Variants in MICU1 observed in about 807,000 individuals in gnomAD.
MICU1 encodes the protein mitochondrial calcium uptake 1, also known as calcium uptake protein 1, mitochondrial.
MICU1 carries 45 observed loss-of-function variants against 56.8 expected under a neutral mutation model. That is an observed-to-expected ratio of 0.79 (90% confidence interval 0.62 to 1.02). MICU1 has a LOEUF of 1.02. Among genes scored for constraint, MICU1 ranks in the 50% least tolerant of loss-of-function variants. The pLI is 0.00. For synonymous variants in MICU1, 186 were observed against 195.1 expected (o/e 0.95, Z 0.39); for missense variants, 504 against 587.1 (o/e 0.86, Z 1.46).
At chr10:72,585,152 A>G (rs1841013472) in intron 1 of MICU1, among the ~76,000 whole-genome samples, 2 of 150,778 alleles carry the variant, frequency 1.3e-5, no homozygotes. Flanking sequence ...CAGTGGTGCA[A>G]TCTTCACTCA....
intron 4 of MICU1, among the ~76,000 whole-genome samples, chr10:72,538,425 G>A (rs1373791439): frequency 6.6e-6 from 1 of 152,104 alleles, no homozygotes; most frequent in Non-Finnish European, 1.5e-5. Flanking sequence ...CTTGTCATTA[G>A]TGAAATGCAA....
At chr10:72,556,200 G>C (rs1338406374) in intron 3 of MICU1, among the ~76,000 whole-genome samples, 1 of 152,044 alleles carries the variant, frequency 6.6e-6, no homozygotes, top group Non-Finnish European at 1.5e-5. Context: ...GTCAATTTTT[G>C]GCCATCCATA....
Position 72,423,275 on chromosome 10 carries a change from C to A in MICU1, c.1030G>T (p.Ala344Ser). ...TGCTTCTTGAGCTGCCTCTGCATGG[C>A]GGTCAGCTTCTTGGACTGCACCCCA... is the stretch of plus-strand genomic sequence containing the variant. Reference protein sequence around the residue: ...YSGVQSKKLTAMQRQLKKHFK... With the variant: ...YSGVQSKKLTSMQRQLKKHFK... Residue 344 changes from alanine to serine, a missense_variant, in exon 9 of 12, where the codon GCC (alanine) becomes TCC (serine). By Grantham distance (99) the Ala-to-Ser change is moderately conservative. Transcript: ENST00000361114. The A allele has an allele frequency of 6.2e-7, 1 of 1,613,950 alleles. No individual in the cohort carries two copies. The highest frequency in any genetic ancestry group is 8.5e-7 in the Non-Finnish European group (1 of 1,179,860).
At chr10:72,498,307 C>T (rs535153501) in intron 6 of MICU1, among the ~76,000 whole-genome samples, 12 of 152,206 alleles carry the variant, frequency 7.9e-5, no homozygotes, top group African/African-American at 1.9e-4. Context: ...AAGCCTGGGC[C>T]GGGCACAGTG....
At chr10:72,494,782 C>G (rs989216936) in intron 6 of MICU1, among the ~76,000 whole-genome samples, 1 of 151,642 alleles carries the variant, frequency 6.6e-6, no homozygotes, top group African/African-American at 2.4e-5. Context: ...TTTATTCCTT[C>G]TAACAACTGT....
chr10:72,394,295 C>T (rs1185064098), intron 10 of MICU1, among the ~76,000 whole-genome samples: 1 of 152,110 alleles, frequency 6.6e-6, no homozygotes, highest in Non-Finnish European at 1.5e-5. Flanking sequence ...GTAGACATAT[C>T]CTTTTGGGGG....
intron 1 of MICU1, among the ~76,000 whole-genome samples, chr10:72,609,251 G>T (rs1215754807): frequency 2.0e-5 from 3 of 152,178 alleles, no homozygotes; most frequent in African/African-American, 4.8e-5. Context: ...TGGGTTCAGG[G>T]TTTCTGTTTG....
Position 72,449,603 on chromosome 10 carries a change from G to C in MICU1, c.933+25497C>G, listed in dbSNP as rs558608994. Among the ~76,000 whole-genome samples the C allele has an allele frequency of 5.3e-5, 8 of 152,166 alleles. No individual in the cohort carries two copies. In the South Asian group the frequency reaches 1.5e-3, roughly 28 times the overall value. ...ATGTTTTAAATCCTGCAGCAGTAAA[G>C]CGTTTTTTTATTTTTTTCTTTCTGG... On this transcript the variant is annotated intron_variant, in intron 8 of 11. Coordinates refer to ENST00000361114, the MANE Select transcript of MICU1 (RefSeq NM_001195518.2).
intron 1 of MICU1, among the ~76,000 whole-genome samples, chr10:72,597,392 T>C (rs906712110): frequency 1.6e-4 from 24 of 152,206 alleles, no homozygotes; most frequent in Non-Finnish European, 1.3e-4. Context: ...TCTTGTAGCC[T>C]TTCTCAACAG....
At chr10:72,468,649 A>G (rs924627490) in intron 8 of MICU1, among the ~76,000 whole-genome samples, 8 of 152,198 alleles carry the variant, frequency 5.3e-5, no homozygotes, top group African/African-American at 1.9e-4. Context: ...AATTAAGAGC[A>G]TTAAAATAGC....
At chr10:72,375,928 C>G in intron 10 of MICU1, 56 bp from the exon 11 acceptor site, 1 of 1,488,586 alleles carries the variant, frequency 6.7e-7, no homozygotes, top group Non-Finnish European at 9.2e-7. Flanking sequence ...TTTGCTTTCT[C>G]TGATTCAGGG....
intron 1 of MICU1, among the ~76,000 whole-genome samples, chr10:72,592,985 CT>C (rs1321388383): frequency 1.3e-5 from 2 of 151,948 alleles, no homozygotes; most frequent in Admixed American, 6.6e-5. Context: ...GGGGTTTCAC[CT>C]TGTTGGCCAG....
intron 5 of MICU1, among the ~76,000 whole-genome samples, chr10:72,530,577 C>A (rs1244570737): frequency 6.6e-6 from 1 of 152,026 alleles, no homozygotes; most frequent in Non-Finnish European, 1.5e-5. Flanking sequence ...TGTTACCATT[C>A]TTTATACGAG....
At chr10:72,541,152 G>A (rs7068863) in intron 4 of MICU1, among the ~76,000 whole-genome samples, 5,437 of 152,238 alleles carry the variant, frequency 0.036, 308 homozygotes, top group African/African-American at 0.12. Flanking sequence ...ACTCATTCCC[G>A]GGCAAGAGCC....
chr10:72,504,004 A>T (rs1267599920), intron 6 of MICU1, among the ~76,000 whole-genome samples: 4 of 152,158 alleles, frequency 2.6e-5, no homozygotes, highest in African/African-American at 9.7e-5. Flanking sequence ...AAATGGAAAA[A>T]CATGCCATAC....
intron 3 of MICU1, chr10:72,560,350 T>C (rs1382375867): frequency 6.6e-6 from 1 of 152,156 alleles, no homozygotes; most frequent in Non-Finnish European, 1.5e-5. Flanking sequence ...GGGAAGAACA[T>C]GCTATTTTCA....
At chr10:72,385,244 C>T (rs1862847737) in intron 10 of MICU1, among the ~76,000 whole-genome samples, 1 of 152,138 alleles carries the variant, frequency 6.6e-6, no homozygotes, top group Non-Finnish European at 1.5e-5. Flanking sequence ...AAATCCAACA[C>T]TTTGGGAGGC....
At chr10:72,568,076 T>A (rs1346691193) in intron 1 of MICU1, among the ~76,000 whole-genome samples, 1 of 152,140 alleles carries the variant, frequency 6.6e-6, no homozygotes, top group Non-Finnish European at 1.5e-5. Context: ...TAGGGAGACT[T>A]CAACCTAGGA....
intron 10 of MICU1, chr10:72,392,212 G>C (rs181359061): frequency 1.3e-5 from 2 of 152,318 alleles, no homozygotes; most frequent in Admixed American, 1.3e-4. Flanking sequence ...GGGTCGGGGG[G>C]TGGAGGCGGT....
Sources: allele counts gnomAD v4.1 joint callset (sites outside exome capture counted in the v4.1 genomes callset), GRCh38; gene constraint gnomAD v4.1.1; transcripts MANE v1.5; gene names NCBI Gene and HGNC (gene_info 2026-07-23, HGNC 2026-07-21).